ATP8A2: variants seen among roughly 807,000 people sequenced by gnomAD.
ATP8A2 encodes the protein ATPase phospholipid transporting 8A2.
In ATP8A2, 100 loss-of-function variants were observed where a neutral mutation model predicts 165.6. The observed-to-expected ratio is 0.60, with a 90% CI of 0.51 to 0.71. The LOEUF (loss-of-function observed/expected upper bound fraction) is 0.71. ATP8A2 is among the 30% of genes least tolerant of loss of function. The probability of loss-of-function intolerance (pLI) is 0.00; values close to 1 mark genes in which losing one functional copy is unlikely to be tolerated. For missense variants in ATP8A2, 1,227 were observed against 1,479.5 expected (o/e 0.83, Z 2.80); for synonymous variants, 543 against 548.8 (o/e 0.99, Z 0.15).
Position 25,560,992 on chromosome 13 carries a change from T to C in ATP8A2, c.1397+1227T>C, listed in dbSNP as rs188054820. Among the ~76,000 whole-genome samples the C allele has an allele frequency of 5.5e-3, 832 of 151,642 alleles. 6 individuals carry two copies. The highest frequency in any genetic ancestry group is 0.02 in the African/African-American group (810 of 41,382). ...AGCTCCGCCTCCCGGGTTCATACCA[T>C]TCTCCTGCCTCAGCCTCCCGAGTAG... On this transcript the variant is annotated intron_variant, in intron 15 of 36. Transcript: ENST00000381655.
At chr13:25,598,189 T>G (rs1449558718) in intron 24 of ATP8A2, among the ~76,000 whole-genome samples, 6 of 152,248 alleles carry the variant, frequency 3.9e-5, no homozygotes, top group Admixed American at 1.3e-4. Flanking sequence ...TATATGTGAC[T>G]CTTCCTCGAC....
At chr13:25,917,857 A>G (rs1045863744) in intron 33 of ATP8A2, among the ~76,000 whole-genome samples, 1 of 152,224 alleles carries the variant, frequency 6.6e-6, no homozygotes, top group African/African-American at 2.4e-5. Flanking sequence ...TCGATGTATT[A>G]TTTTAAATTA....
At chr13:25,513,943 C>G (rs537155023) in intron 2 of ATP8A2, among the ~76,000 whole-genome samples, 2 of 115,796 alleles carry the variant, frequency 1.7e-5, no homozygotes, top group Non-Finnish European at 3.3e-5. Flanking sequence ...AGAGGGAGAC[C>G]GTGGAAAGAG....
chr13:25,857,767 C>G (rs578244160), intron 30 of ATP8A2, among the ~76,000 whole-genome samples: 1 of 152,020 alleles, frequency 6.6e-6, no homozygotes, highest in East Asian at 1.9e-4. Context: ...GACAGGGTTT[C>G]ACCATGTTGG....
At chr13:25,683,004 C>G (rs1368088647) in intron 24 of ATP8A2, among the ~76,000 whole-genome samples, 1 of 152,102 alleles carries the variant, frequency 6.6e-6, no homozygotes, top group African/African-American at 2.4e-5. Flanking sequence ...AGGTTGAAAG[C>G]TTTAATAATG....
intron 2 of ATP8A2, among the ~76,000 whole-genome samples, chr13:25,518,142 T>C (rs2037539362): frequency 2.6e-5 from 4 of 152,262 alleles, no homozygotes; most frequent in Non-Finnish European, 2.9e-5. Context: ...TTCCCTTGAT[T>C]GGTTGAATGC....
At chr13:25,446,114 G>T (rs941001594) in intron 1 of ATP8A2, among the ~76,000 whole-genome samples, 2 of 152,090 alleles carry the variant, frequency 1.3e-5, no homozygotes, top group Non-Finnish European at 2.9e-5. Flanking sequence ...TGTCAGTGAT[G>T]GCCTTCCTGA....
intron 19 of ATP8A2, among the ~76,000 whole-genome samples, chr13:25,576,183 C>G (rs1329057392): frequency 6.6e-6 from 1 of 152,116 alleles, no homozygotes; most frequent in Non-Finnish European, 1.5e-5. Flanking sequence ...AGCTAGAGCA[C>G]TATAGGTTAG....
intron 27 of ATP8A2, among the ~76,000 whole-genome samples, chr13:25,810,780 G>A (rs189043468): frequency 3.3e-5 from 5 of 152,228 alleles, no homozygotes; most frequent in Admixed American, 3.3e-4. Flanking sequence ...CGAGCAGAGG[G>A]AGCTGGATGT....
intron 24 of ATP8A2, among the ~76,000 whole-genome samples, chr13:25,659,644 C>G (rs765476461): frequency 6.6e-6 from 1 of 152,152 alleles, no homozygotes; most frequent in African/African-American, 2.4e-5. Flanking sequence ...GTTCGTAGTC[C>G]TTTATCAGGA....
intron 25 of ATP8A2, among the ~76,000 whole-genome samples, chr13:25,737,674 T>A (rs995077396): frequency 1.7e-4 from 26 of 151,938 alleles, no homozygotes; most frequent in African/African-American, 6.3e-4. Context: ...TTTTTATTTT[T>A]ATTTTATTAT....
chr13:25,645,994 T>C (rs960143844), intron 24 of ATP8A2, among the ~76,000 whole-genome samples: 1 of 152,198 alleles, frequency 6.6e-6, no homozygotes, highest in Non-Finnish European at 1.5e-5. Context: ...TGATGACCTA[T>C]TATTGAAAGT....
intron 35 of ATP8A2, among the ~76,000 whole-genome samples, chr13:26,005,935 A>G (rs762060750): frequency 1.1e-4 from 16 of 152,112 alleles, no homozygotes; most frequent in Non-Finnish European, 2.2e-4. Context: ...TGAAATAGGT[A>G]TGTGTGAGTT....
intron 36 of ATP8A2, among the ~76,000 whole-genome samples, chr13:26,018,345 G>C (rs185604008): frequency 6.6e-6 from 1 of 152,178 alleles, no homozygotes; most frequent in Non-Finnish European, 1.5e-5. Context: ...GGACTCTTCT[G>C]TCTTGTTACT....
chr13:25,543,209 A>G, intron 9 of ATP8A2, 82 bp from the exon 10 acceptor site: 1 of 816,992 alleles, frequency 1.2e-6, no homozygotes, highest in Non-Finnish European at 2.0e-6. Flanking sequence ...CATTTGATTT[A>G]TTGTGGGTTC....
At chr13:25,404,706 T>A (rs2033744819) in intron 1 of ATP8A2, among the ~76,000 whole-genome samples, 2 of 151,658 alleles carry the variant, frequency 1.3e-5, no homozygotes, top group South Asian at 4.2e-4. Flanking sequence ...TGTGTAGGGA[T>A]AATCATTTTT....
chr13:25,659,878 C>T (rs2137682739), intron 24 of ATP8A2, among the ~76,000 whole-genome samples: 1 of 152,172 alleles, frequency 6.6e-6, no homozygotes, highest in East Asian at 1.9e-4. Context: ...GGAGAGTGAC[C>T]TTCCATTTCT....
intron 25 of ATP8A2, among the ~76,000 whole-genome samples, chr13:25,710,581 T>C (rs1194117298): frequency 1.3e-5 from 2 of 152,190 alleles, no homozygotes; most frequent in African/African-American, 4.8e-5. Context: ...ACACTGCTTG[T>C]CAGGCCAGCT....
chr13:25,497,187 T>C (rs1399638076), intron 2 of ATP8A2, among the ~76,000 whole-genome samples: 1 of 152,150 alleles, frequency 6.6e-6, no homozygotes, highest in Non-Finnish European at 1.5e-5. Flanking sequence ...AGGTGGGCCA[T>C]TAGTAGTATC....
Sources: gnomAD v4.1 joint callset for allele counts (sites outside exome capture counted in the v4.1 genomes callset) on GRCh38, gnomAD v4.1.1 for gene constraint, MANE v1.5 for transcripts, NCBI Gene and HGNC (gene_info 2026-07-23, HGNC 2026-07-21) for gene names.